LIPI: variants seen among roughly 807,000 people sequenced by gnomAD.
LIPI encodes the protein lipase I, also known as lipase member I.
In LIPI, 59 loss-of-function variants were observed where a neutral mutation model predicts 50.6. That is an observed-to-expected ratio of 1.16 (90% CI 0.94 to 1.45). The LOEUF is 1.45. Ranked by LOEUF, LIPI falls within the 40% of genes most tolerant of loss-of-function variation. The pLI, the probability that LIPI is intolerant of heterozygous loss-of-function variation, is 0.00. For missense variants in LIPI, 586 were observed against 536.3 expected, an observed-to-expected ratio of 1.09 and a Z score of -0.92; for synonymous variants, 203 against 178.2, an observed-to-expected ratio of 1.14 and a Z score of -1.11.
intron 8 of LIPI, among the ~76,000 whole-genome samples, chr21:14,145,590 G>A (rs1300197367): frequency 1.3e-5 from 2 of 151,910 alleles, no homozygotes; most frequent in African/African-American, 2.4e-5. Context: ...AGAAGGAGAA[G>A]GAGGAAGAAG....
At chr21:14,110,651 C>T (rs1478822151) in intron 9 of LIPI, among the ~76,000 whole-genome samples, 2 of 151,824 alleles carry the variant, frequency 1.3e-5, no homozygotes, top group Non-Finnish European at 2.9e-5. Context: ...ACTGCCCAGC[C>T]TCTGGTAACC....
chr21:14,122,500 T>C (rs1004929903), intron 9 of LIPI, among the ~76,000 whole-genome samples: 21 of 152,232 alleles, frequency 1.4e-4, no homozygotes, highest in Admixed American at 8.5e-4. Context: ...TTTTGATGCC[T>C]GTCAGGCTGC....
intron 9 of LIPI, among the ~76,000 whole-genome samples, 161 bp from the exon 10 acceptor site, chr21:14,109,241 T>C (rs2016310838): frequency 6.6e-6 from 1 of 152,132 alleles, no homozygotes; most frequent in African/African-American, 2.4e-5. Context: ...TTCCATTCTA[T>C]CTCATTTGGC....
chr21:14,159,296 C>T (rs749284115), intron 7 of LIPI, among the ~76,000 whole-genome samples: 11 of 151,302 alleles, frequency 7.3e-5, no homozygotes, highest in East Asian at 1.9e-4. Context: ...TTTTAAAATA[C>T]GCACTAAGCC....
At chr21:14,182,928 C>T (rs546750936) in intron 3 of LIPI, among the ~76,000 whole-genome samples, 52 of 152,230 alleles carry the variant, frequency 3.4e-4, no homozygotes, top group African/African-American at 1.2e-3. Flanking sequence ...CAATGCCATC[C>T]CCATCAAGCT....
chr21:14,172,609 C>T lies in LIPI; in HGVS notation c.644-6158G>A, dbSNP rs199951926. ...GAAATCATCATTCTCGGTAAACTAT[C>T]GCAAGAACAAAAAACCAAACACCGC... On this transcript the variant is annotated intron_variant, in intron 4 of 9. Coordinates refer to ENST00000681601, the MANE Select transcript of LIPI (RefSeq NM_001302998.2). Among the ~76,000 whole-genome samples the T allele has an allele frequency of 2.2e-3, 330 of 151,560 alleles. 7 individuals carry two copies. In the East Asian group the frequency reaches 0.057, roughly 26 times the overall value.
At chr21:14,165,094 A>C (rs1392656770) in intron 6 of LIPI, 129 bp downstream of exon 6, 2 of 696,178 alleles carry the variant, frequency 2.9e-6, no homozygotes, top group East Asian at 2.7e-5. Flanking sequence ...TCTACAGATG[A>C]TTTTTCCATA....
intron 1 of LIPI, among the ~76,000 whole-genome samples, chr21:14,194,474 G>T (rs1358003702): frequency 6.6e-6 from 1 of 152,010 alleles, no homozygotes; most frequent in Non-Finnish European, 1.5e-5. Context: ...GCTTTGAAAA[G>T]GTGAAATTGA....
At chr21:14,208,391 G>GT (rs2020280833) in intron 1 of LIPI, among the ~76,000 whole-genome samples, 1 of 152,130 alleles carries the variant, frequency 6.6e-6, no homozygotes, top group Non-Finnish European at 1.5e-5. Context: ...ATTTTATTCT[G>GT]TTTTTCACTT....
At chr21:14,208,949 G>T (rs1172140395) in intron 1 of LIPI, among the ~76,000 whole-genome samples, 3 of 152,118 alleles carry the variant, frequency 2.0e-5, no homozygotes, top group Non-Finnish European at 4.4e-5. Flanking sequence ...TACCCTGCAA[G>T]CTGAAGCCAG....
chr21:14,166,592 AAGTTTTTCTTC>A (rs2018694509), intron 4 of LIPI, 141 bp from the exon 5 acceptor site: 1 of 648,242 alleles, frequency 1.5e-6, no homozygotes, highest in East Asian at 2.7e-5. Flanking sequence ...TTATAAAGAT[AAGTTTTTCTTC>A]TATAATTCCT....
At chr21:14,207,327 T>C (rs2020252535) in intron 1 of LIPI, among the ~76,000 whole-genome samples, 1 of 152,130 alleles carries the variant, frequency 6.6e-6, no homozygotes, top group Admixed American at 6.5e-5. Context: ...CATAAAGAAA[T>C]GGTAACTGTT....
chr21:14,142,229 G>C (rs554040965), intron 9 of LIPI, among the ~76,000 whole-genome samples: 1 of 152,080 alleles, frequency 6.6e-6, no homozygotes, highest in African/African-American at 2.4e-5. Flanking sequence ...AGGTTGATGG[G>C]TGCAGCAAAC....
chr21:14,123,236 G>A (rs2123345398), intron 9 of LIPI, among the ~76,000 whole-genome samples: 1 of 152,354 alleles, frequency 6.6e-6, no homozygotes, highest in East Asian at 1.9e-4. Flanking sequence ...AACCTGTTTA[G>A]ATCAGCAATA....
intron 6 of LIPI, 67 bp downstream of exon 6, chr21:14,165,156 G>T: frequency 7.9e-7 from 1 of 1,270,828 alleles, no homozygotes; most frequent in Non-Finnish European, 1.1e-6. Flanking sequence ...GCTTCCAGCA[G>T]AAAATACTAA....
At chr21:14,112,121 C>A (rs1020819052) in intron 9 of LIPI, among the ~76,000 whole-genome samples, 3 of 151,900 alleles carry the variant, frequency 2.0e-5, no homozygotes, top group Non-Finnish European at 4.4e-5. Flanking sequence ...CTCTTGGAAC[C>A]TTTGTTGAAA....
chr21:14,195,508 C>T (rs1304374534), intron 1 of LIPI, among the ~76,000 whole-genome samples: 1 of 152,128 alleles, frequency 6.6e-6, no homozygotes, highest in Non-Finnish European at 1.5e-5. Context: ...GCTCTGCTTG[C>T]TTTCATTCAG....
At chr21:14,128,563 CTG>C (rs2017158323) in intron 9 of LIPI, among the ~76,000 whole-genome samples, 1 of 152,016 alleles carries the variant, frequency 6.6e-6, no homozygotes, top group Non-Finnish European at 1.5e-5. Flanking sequence ...AATGTTTCCA[CTG>C]TTACTCATCT....
intron 2 of LIPI, 87 bp from the exon 3 acceptor site, chr21:14,186,156 T>C: frequency 3.8e-6 from 3 of 793,388 alleles, no homozygotes; most frequent in East Asian, 2.5e-5. Flanking sequence ...ATTTCAAAAT[T>C]CATTATTTTT....
Sources: gnomAD v4.1 joint callset for allele counts (sites outside exome capture counted in the v4.1 genomes callset) on GRCh38, gnomAD v4.1.1 for gene constraint, MANE v1.5 for transcripts, NCBI Gene and HGNC (gene_info 2026-07-23, HGNC 2026-07-21) for gene names.